Variants in ONECUT2 observed in about 807,000 individuals in gnomAD.
ONECUT2 encodes the protein one cut domain family member 2.
A neutral mutation model predicts 27.9 loss-of-function variants in ONECUT2; 10 were observed. That is an observed-to-expected ratio of 0.36 (90% CI 0.22 to 0.61). ONECUT2 has a LOEUF of 0.61. ONECUT2 is among the 20% of genes least tolerant of loss of function. The probability of loss-of-function intolerance (pLI) is 0.73; values close to 1 mark genes in which losing one functional copy is unlikely to be tolerated. For missense variants in ONECUT2, 686 were observed against 721.0 expected (o/e 0.95, Z 0.56); for synonymous variants, 334 against 315.1 (o/e 1.06, Z -0.64).
At chr18:57,467,309 GC>G in intron 1 of ONECUT2, 1 of 391,160 alleles carries the variant, frequency 2.6e-6, no homozygotes. Flanking sequence ...TGGAGAAAGA[GC>G]AGAGATTTGC....
intron 1 of ONECUT2, among the ~76,000 whole-genome samples, chr18:57,455,855 T>A (rs1314119586): frequency 6.6e-6 from 1 of 152,182 alleles, no homozygotes; most frequent in Non-Finnish European, 1.5e-5. Flanking sequence ...TAACATCTTC[T>A]AGAACTTGGG....
At chr18:57,473,561 A>G (rs958177898) in intron 1 of ONECUT2, among the ~76,000 whole-genome samples, 2 of 152,154 alleles carry the variant, frequency 1.3e-5, no homozygotes, top group Non-Finnish European at 2.9e-5. Flanking sequence ...AGAGCTTTCC[A>G]TTGCATAACA....
intron 1 of ONECUT2, among the ~76,000 whole-genome samples, chr18:57,452,478 G>A (rs2050235999): frequency 6.6e-6 from 1 of 151,896 alleles, no homozygotes; most frequent in Non-Finnish European, 1.5e-5. Flanking sequence ...AGGCTGGAGT[G>A]CAGTAGTACA....
At chr18:57,440,380 G>A (rs2050167660) in intron 1 of ONECUT2, among the ~76,000 whole-genome samples, 1 of 152,254 alleles carries the variant, frequency 6.6e-6, no homozygotes. Flanking sequence ...AGGCCTCGGT[G>A]GCAGGCATGT....
In ONECUT2 at chr18:57,485,115, T is replaced by C. The variant is rs959145052; in HGVS notation, c.*8392T>C. 6.6e-6 allele frequency: 1 copy of C among 152,188 alleles called. No individual in the cohort carries two copies. Among genetic ancestry groups the C allele is most frequent in the Non-Finnish European group, 1.5e-5 (1 of 68,042 alleles). The allele number at this position is 152,188 out of a possible 1,614,324, so 9.4% of individuals were successfully genotyped here. ...AACCTTTCCATTACAAAGCATTGTA[T>C]AGATAACTTTTTAATTCAGTAGGAG... On this transcript the variant is annotated 3_prime_UTR_variant, in exon 2 of 2. Transcript: ENST00000491143.
At chr18:57,474,830 G>A (rs1405132769) in intron 1 of ONECUT2, among the ~76,000 whole-genome samples, 1 of 152,200 alleles carries the variant, frequency 6.6e-6, no homozygotes, top group African/African-American at 2.4e-5. Flanking sequence ...CCAGTGCTTT[G>A]AGAAACATAG....
intron 1 of ONECUT2, among the ~76,000 whole-genome samples, chr18:57,447,491 G>T (rs994910884): frequency 1.3e-5 from 2 of 152,230 alleles, no homozygotes; most frequent in African/African-American, 4.8e-5. Context: ...AGAGGAGGCG[G>T]CATCTGGGTG....
chr18:57,455,205 G>A (rs1344391538), intron 1 of ONECUT2, among the ~76,000 whole-genome samples: 1 of 152,124 alleles, frequency 6.6e-6, no homozygotes, highest in Non-Finnish European at 1.5e-5. Context: ...TGGCTCCCTG[G>A]AGAGCTCCTG....
rs1390451042 is a variant in ONECUT2 at position 57,436,491 on chromosome 18, A to T, written c.775A>T (p.Ser259Cys). 6.2e-7 allele frequency: 1 copy of T among 1,613,402 alleles called. No homozygotes were observed. The highest frequency in any genetic ancestry group is 8.5e-7 in the Non-Finnish European group (1 of 1,179,848). Reference sequence around the variant, plus strand: ...TCCGCCGGGCCACGACAAAATGCTCAGCCCCAACTTCGACGCGCACCACAC... The same window carrying T: ...TCCGCCGGGCCACGACAAAATGCTCTGCCCCAACTTCGACGCGCACCACAC... ...YGPPGHDKML[S>C]PNFDAHHTAM... The change falls in exon 1 of 2, where the codon AGC (serine) becomes TGC (cysteine). Residue 259 changes from serine (S) to cysteine (C), a missense_variant. Around this residue, in one of 4 missense-constraint regions of ONECUT2, gnomAD observed 511 missense variants for 488.1 expected, o/e 1.05. Transcript: ENST00000491143. This position sits in a 1 kb window ranked among gnomAD's most constrained non-coding sequence, Gnocchi z 5.9.
chr18:57,476,900 C>CTTTTGTTTT lies in ONECUT2; in HGVS notation c.*179_*187dup. On this transcript the variant is annotated 3_prime_UTR_variant, in exon 2 of 2. Coordinates refer to ENST00000491143, the MANE Select transcript of ONECUT2 (RefSeq NM_004852.3). ...CTGTAATCATAGGCCAGGTGTTCTT[C>CTTTTGTTTT]TTTTGTTTTTAATGGCTATGGAGTC... is the stretch of plus-strand genomic sequence containing the variant. The CTTTTGTTTT allele has an allele frequency of 1.4e-6, 1 of 737,926 alleles. No individual in the cohort carries two copies. The highest frequency in any genetic ancestry group is 2.7e-5 in the East Asian group (1 of 36,800). The allele number at this position is 737,926 out of a possible 1,614,324, so 45.7% of individuals were successfully genotyped here.
rs1037293148 is a variant in ONECUT2, at chr18:57,436,874, G to C, written c.1158G>C (p.Glu386Asp). ...KPWSKLKSGR[E>D]TFRRMWKWLQ... ...GGAGTAAACTCAAATCTGGCAGGGA[G>C]ACCTTCCGCAGGATGTGGAAGTGGC... Residue 386 changes from glutamate to aspartate, a missense_variant, in exon 1 of 2, where the codon GAG becomes GAC. Around this residue, in one of 4 missense-constraint regions of ONECUT2, gnomAD observed 47 missense variants for 86.0 expected, o/e 0.55. Coordinates refer to ENST00000491143, the MANE Select transcript of ONECUT2 (RefSeq NM_004852.3). The surrounding 1 kb of genome is among the most constrained non-coding windows in gnomAD (Gnocchi z 5.9). 1 of 1,613,704 alleles carries C rather than the reference G, an allele frequency of 6.2e-7. No homozygotes were observed. The highest frequency in any genetic ancestry group is 1.7e-5 in the Admixed American group (1 of 60,010).
Position 57,490,873 on chromosome 18 carries a change from C to T in ONECUT2, c.*14150C>T, listed in dbSNP as rs2279098. On this transcript the variant is annotated 3_prime_UTR_variant, in exon 2 of 2. Transcript: ENST00000491143. The stretch of plus-strand genomic sequence containing the variant: ...AACACACCCCTAAAATTTGCACTCT[C>T]TTCCGTTTTGAAAAAGAAAACCCAC... The T allele has an allele frequency of 6.6e-6, 1 of 152,638 alleles. No individual in the cohort carries two copies. Among genetic ancestry groups the T allele is most frequent in the African/African-American group, 2.4e-5 (1 of 41,458 alleles). 9.5% of individuals were successfully genotyped at this position (152,638 alleles called of 1,614,324 possible). A position where few individuals can be genotyped will look rare whatever the true frequency, so the allele number is the denominator to read the frequency against.
In ONECUT2 at chr18:57,435,851, C is replaced by A; in HGVS notation, c.135C>A (p.Gly45=). 1 of 750,952 alleles carries A rather than the reference C, an allele frequency of 1.3e-6. No individual in the cohort carries two copies. Among genetic ancestry groups the A allele is most frequent in the Non-Finnish European group, 1.6e-6 (1 of 616,220 alleles). 46.5% of individuals were successfully genotyped at this position (750,952 alleles called of 1,614,324 possible). ...GCGGCGGCAGTGGCGGGGGCGGCGG[C>A]GGGGGCGGCGGGGGCGGCGGCGGGG... ...PAGGGSGGGG[G]GGGGGGGGGP... The change falls in exon 1 of 2, where the codon GGC becomes GGA. Residue 45 remains glycine (G), a synonymous_variant. Transcript: ENST00000491143.
chr18:57,436,851 A>C lies in ONECUT2; in HGVS notation c.1135A>C (p.Ser379Arg). The C allele has an allele frequency of 1.2e-6, 2 of 1,613,968 alleles. No individual in the cohort carries two copies. Among genetic ancestry groups the C allele is most frequent in the Non-Finnish European group, 1.7e-6 (2 of 1,180,046 alleles). ...SDLLRNPKPW[S>R]KLKSGRETFR... is the part of the protein sequence containing the mutation. The stretch of plus-strand genomic sequence containing the variant: ...CCTGCTCCGGAATCCAAAACCGTGG[A>C]GTAAACTCAAATCTGGCAGGGAGAC... The change falls in exon 1 of 2, where the codon AGT becomes CGT. Residue 379 changes from serine (S) to arginine (R), a missense_variant. Transcript: ENST00000491143. The surrounding 1 kb of genome is among the most constrained non-coding windows in gnomAD (Gnocchi z 5.9).
chr18:57,452,578 C>T (rs1326600048), intron 1 of ONECUT2, among the ~76,000 whole-genome samples: 1 of 152,154 alleles, frequency 6.6e-6, no homozygotes, highest in African/African-American at 2.4e-5. Context: ...GTGCCCACCA[C>T]TATGCCCAGC....
At chr18:57,473,289 G>C (rs2050364170) in intron 1 of ONECUT2, among the ~76,000 whole-genome samples, 1 of 152,178 alleles carries the variant, frequency 6.6e-6, no homozygotes, top group Non-Finnish European at 1.5e-5. Context: ...TGCGGTGTCA[G>C]TGTCATCACA....
chr18:57,457,199 A>G (rs757512227), intron 1 of ONECUT2, among the ~76,000 whole-genome samples: 6 of 152,104 alleles, frequency 3.9e-5, no homozygotes, highest in African/African-American at 9.7e-5. Context: ...AACATTTGTT[A>G]TTTTTTGTTT....
At chr18:57,445,511 C>T (rs575621990) in intron 1 of ONECUT2, among the ~76,000 whole-genome samples, 14 of 152,108 alleles carry the variant, frequency 9.2e-5, no homozygotes, top group Non-Finnish European at 1.5e-4. Flanking sequence ...TTTTTCAACA[C>T]GGTACATGAC....
At chr18:57,459,778 C>T (rs1345794867) in intron 1 of ONECUT2, among the ~76,000 whole-genome samples, 1 of 152,054 alleles carries the variant, frequency 6.6e-6, no homozygotes, top group Non-Finnish European at 1.5e-5. Context: ...AGGCTGGTCT[C>T]GAACTTCTGA....
Sources: allele counts gnomAD v4.1 joint callset (sites outside exome capture counted in the v4.1 genomes callset), GRCh38; gene constraint gnomAD v4.1.1; regional missense constraint gnomAD v4.1.1; non-coding constraint Gnocchi (gnomAD v3.1); transcripts MANE v1.5; gene names NCBI Gene and HGNC (gene_info 2026-07-23, HGNC 2026-07-21).